TNS1: variants seen among roughly 807,000 people sequenced by gnomAD.
TNS1 encodes tensin-1.
TNS1 carries 62 observed loss-of-function variants against 168.6 expected under a neutral mutation model. The ratio of observed to expected loss-of-function variants is 0.37; its 90% CI spans 0.30 to 0.45. The LOEUF is 0.45. TNS1 is among the 20% of genes least tolerant of loss of function. The pLI, the probability that TNS1 is intolerant of heterozygous loss-of-function variation, is 1.00. For synonymous variants in TNS1, 934 were observed against 933.2 expected (o/e 1.00, Z -0.02); for missense variants, 2,240 against 2,339.4 (o/e 0.96, Z 0.88).
chr2:218,020,787 G>A (rs1958800673), intron 1 of TNS1, among the ~76,000 whole-genome samples: 1 of 152,180 alleles, frequency 6.6e-6, no homozygotes, highest in Admixed American at 6.5e-5. Context: ...GATACAGACA[G>A]GAGTTCCCCC....
At chr2:217,983,663 T>C (rs751536617) in intron 2 of TNS1, among the ~76,000 whole-genome samples, 4 of 152,088 alleles carry the variant, frequency 2.6e-5, no homozygotes, top group Non-Finnish European at 2.9e-5. Context: ...GGTCGGAAAA[T>C]GAGCACATAG....
intron 3 of TNS1, among the ~76,000 whole-genome samples, chr2:217,921,509 G>T (rs1487781854): frequency 1.3e-5 from 2 of 152,184 alleles, no homozygotes; most frequent in Non-Finnish European, 2.9e-5. Flanking sequence ...GATTCCCCAG[G>T]CTTGACACAG....
chr2:217,893,524 G>A lies in TNS1; in HGVS notation c.632C>T (p.Ala211Val). Residue 211 changes from alanine (A) to valine (V), a missense_variant, in exon 10 of 33, where the codon GCC (alanine) becomes GTC (valine). Around this residue, in one of 2 missense-constraint regions of TNS1, gnomAD observed 2,131 missense variants for 2,171.2 expected, o/e 0.98. Transcript: ENST00000682258. ...ACAGATGCTGCAGATCTTCTCCAGGGCTGGGGTGTGGAGGTCGGGCCAGCC... is the reference window on the plus strand; with the variant it reads ...ACAGATGCTGCAGATCTTCTCCAGGACTGGGGTGTGGAGGTCGGGCCAGCC... ...EFGWPDLHTP[A>V]LEKICSICKA... is the part of the protein sequence containing the mutation. 6.2e-7 allele frequency: 1 copy of A among 1,613,296 alleles called. No homozygotes were observed. Among genetic ancestry groups the A allele is most frequent in the Non-Finnish European group, 8.5e-7 (1 of 1,179,738 alleles).
At chr2:217,829,733 C>T in intron 22 of TNS1, 2 of 1,292,264 alleles carry the variant, frequency 1.5e-6, no homozygotes, top group African/African-American at 1.5e-5. Context: ...TGCCTGGTCG[C>T]CTGAGTCCCA....
rs1370015455 is a variant in TNS1, at chr2:217,817,793, C to T, written c.4539G>A (p.Gly1513=). ...GSLPNYATIN[G]KVSSPVASGM... ...CGCTGGCGACAGGCGAAGACACCTT[C>T]CCATTGATGGTGGCATAGTTGGGGA... is the stretch of plus-strand genomic sequence containing the variant. The change falls in exon 24 of 33, where the codon GGG becomes GGA. Residue 1513 remains glycine, a synonymous_variant. Transcript: ENST00000682258. 2.5e-6 allele frequency: 4 copies of T among 1,614,232 alleles called. No homozygotes were observed. The highest frequency in any genetic ancestry group is 3.4e-6 in the Non-Finnish European group (4 of 1,180,040).
upstream of TNS1, among the ~76,000 whole-genome samples, chr2:218,003,460 G>A (rs565215138): frequency 1.1e-4 from 16 of 152,168 alleles, no homozygotes; most frequent in Admixed American, 3.9e-4. Flanking sequence ...TGGCCTCCTC[G>A]GAACACACAT....
At chr2:217,850,672 G>A in intron 18 of TNS1, 1 of 941,954 alleles carries the variant, frequency 1.1e-6, no homozygotes, top group Non-Finnish European at 1.3e-6. Flanking sequence ...CCGTTAGCAA[G>A]GAAAAAAGCC....
intron 22 of TNS1, among the ~76,000 whole-genome samples, chr2:217,825,898 C>A (rs1396443358): frequency 6.6e-6 from 1 of 152,232 alleles, no homozygotes. Context: ...CAGAGGAGTT[C>A]TCAAGACACT....
chr2:218,023,270 G>A (rs1453774749), intron 1 of TNS1, among the ~76,000 whole-genome samples: 1 of 152,184 alleles, frequency 6.6e-6, no homozygotes, highest in Non-Finnish European at 1.5e-5. Flanking sequence ...AGACCAGGCT[G>A]TCATCCAACT....
In TNS1 at chr2:217,821,868, G is replaced by C; in HGVS notation, c.3444C>G (p.Pro1148=). ...VAGPRAQDSE[P]KSFSAPATQA... ...GGGTGGCTGGAGCACTAAAGCTCTT[G>C]GGCTCAGAGTCCTGAGCTCGGGGTC... Residue 1148 remains proline, a synonymous_variant, in exon 23 of 33, where the codon CCC becomes CCG. Transcript: ENST00000682258. The C allele has an allele frequency of 6.3e-7, 1 of 1,588,674 alleles. No individual in the cohort carries two copies. The highest frequency in any genetic ancestry group is 1.3e-5 in the African/African-American group (1 of 74,214).
rs532289086 is a variant in TNS1, at chr2:217,801,720, G to T, written c.*2739C>A. ...TGTGTGTGCGTAGGTGTGTGCATGG[G>T]TGCACAGCCCGCCGTGACACAGAAG... On this transcript the variant is annotated 3_prime_UTR_variant, in exon 33 of 33. Transcript: ENST00000682258. 6.6e-6 allele frequency: 1 copy of T among 152,392 alleles called. No individual in the cohort carries two copies. The highest frequency in any genetic ancestry group is 2.1e-4 in the South Asian group (1 of 4,832). 9.4% of individuals were successfully genotyped at this position (152,392 alleles called of 1,614,324 possible).
chr2:217,824,010 G>T (rs1376419092), intron 22 of TNS1, among the ~76,000 whole-genome samples: 1 of 152,212 alleles, frequency 6.6e-6, no homozygotes, highest in East Asian at 1.9e-4. Context: ...CCCCTGACCA[G>T]GCCCAGTACA....
intron 6 of TNS1, among the ~76,000 whole-genome samples, chr2:217,905,811 C>T (rs955779091): frequency 1.3e-5 from 2 of 152,244 alleles, no homozygotes; most frequent in Non-Finnish European, 2.9e-5. Flanking sequence ...GCCCCTTCCC[C>T]TCTCCCCAAA....
chr2:217,873,868 C>T (rs1482411066), intron 18 of TNS1, among the ~76,000 whole-genome samples: 1 of 152,038 alleles, frequency 6.6e-6, no homozygotes, highest in Non-Finnish European at 1.5e-5. Flanking sequence ...TCTGTCTCCA[C>T]ACAGAGAATG....
chr2:217,866,648 G>C (rs533275225), intron 18 of TNS1, among the ~76,000 whole-genome samples: 4 of 152,328 alleles, frequency 2.6e-5, no homozygotes, highest in Admixed American at 6.5e-5. Flanking sequence ...GACAGCGGCA[G>C]GCAGCTCCTC....
chr2:218,015,178 C>T (rs534146703), upstream of TNS1, among the ~76,000 whole-genome samples: 26 of 152,224 alleles, frequency 1.7e-4, 1 homozygote, highest in Admixed American at 1.0e-3. Context: ...CTGCCCCTGC[C>T]CCTGCCCCTG....
intron 17 of TNS1, chr2:217,881,416 G>C (rs1950674916): frequency 5.6e-6 from 1 of 177,546 alleles, no homozygotes. Flanking sequence ...GGCTGCTTAT[G>C]AGCTACGTGG....
intron 3 of TNS1, among the ~76,000 whole-genome samples, chr2:217,935,105 G>T (rs1669216172): frequency 1.3e-5 from 2 of 152,206 alleles, no homozygotes; most frequent in African/African-American, 4.8e-5. Flanking sequence ...GTCAGAGCAG[G>T]CCCCTGAAGT....
At position 217,948,443 on chromosome 2, in the gene TNS1, C is replaced by T. The variant is rs1248852723; in HGVS notation, c.187-28207G>A. Among the ~76,000 whole-genome samples, 1 of 152,160 alleles carries T rather than the reference C, an allele frequency of 6.6e-6. No homozygotes were observed. The highest frequency in any genetic ancestry group is 6.5e-5 in the Admixed American group (1 of 15,286). On this transcript the variant is annotated intron_variant, in intron 3 of 32. Coordinates refer to ENST00000682258, the MANE Select transcript of TNS1 (RefSeq NM_001387777.1). The surrounding 1 kb of genome is among the most constrained non-coding windows in gnomAD (Gnocchi z 4.1). The stretch of plus-strand genomic sequence containing the variant: ...AGAGGCTATTCTGGGCCTCTGAATC[C>T]TGCTAGGCCCAACACACCCCATAGG...
Sources: allele counts gnomAD v4.1 joint callset (sites outside exome capture counted in the v4.1 genomes callset), GRCh38; gene constraint gnomAD v4.1.1; regional missense constraint gnomAD v4.1.1; non-coding constraint Gnocchi (gnomAD v3.1); transcripts MANE v1.5; gene names NCBI Gene and HGNC (gene_info 2026-07-23, HGNC 2026-07-21).